The following SLC12A2 variants were observed in gnomAD, a reference collection of about 807,000 sequenced individuals.
The protein encoded by SLC12A2 is Na-K-2Cl cotransporter 1.
Under a neutral mutation model 136.3 loss-of-function variants are expected in SLC12A2, and 67 were observed. The ratio of observed to expected loss-of-function variants is 0.49; its 90% CI spans 0.40 to 0.60. The LOEUF (loss-of-function observed/expected upper bound fraction) is 0.60. Ranked by LOEUF, SLC12A2 falls within the 20% of genes least tolerant of loss-of-function variation. SLC12A2 has a pLI of 0.00. For synonymous variants in SLC12A2, 619 were observed against 562.9 expected (o/e 1.10, Z -1.41); for missense variants, 1,322 against 1,534.7 (o/e 0.86, Z 2.32).
intron 1 of SLC12A2, chr5:128,110,878 G>T (rs1292443542): frequency 1.5e-6 from 2 of 1,305,880 alleles, no homozygotes; most frequent in Non-Finnish European, 2.2e-6. Flanking sequence ...CCAGGAATAT[G>T]CCAATTTACA....
intron 26 of SLC12A2, among the ~76,000 whole-genome samples, chr5:128,185,874 C>G (rs1459341245): frequency 6.6e-6 from 1 of 151,910 alleles, no homozygotes; most frequent in African/African-American, 2.4e-5. Flanking sequence ...AGATTATAGT[C>G]TTTTATATAT....
intron 21 of SLC12A2, among the ~76,000 whole-genome samples, chr5:128,177,990 G>T (rs1356178038): frequency 1.3e-5 from 2 of 152,014 alleles, no homozygotes; most frequent in East Asian, 3.8e-4. Flanking sequence ...TTTAGAATTG[G>T]GTGCCACATA....
chr5:128,121,123 A>C (rs949469359), intron 4 of SLC12A2, among the ~76,000 whole-genome samples: 3 of 152,192 alleles, frequency 2.0e-5, no homozygotes, highest in Non-Finnish European at 4.4e-5. Context: ...AGTACATTTT[A>C]GAGATTAAAC....
intron 5 of SLC12A2, among the ~76,000 whole-genome samples, chr5:128,133,068 T>A (rs997360581): frequency 2.6e-5 from 4 of 152,016 alleles, no homozygotes; most frequent in Non-Finnish European, 5.9e-5. Context: ...CTAGTACCGT[T>A]TTTTTTCAAG....
chr5:128,132,014 A>G (rs1762041820), intron 5 of SLC12A2, among the ~76,000 whole-genome samples: 1 of 152,210 alleles, frequency 6.6e-6, no homozygotes, highest in Non-Finnish European at 1.5e-5. Context: ...TCAAAAAAGA[A>G]AAAAAGAAAA....
chr5:128,150,057 T>C lies in SLC12A2; in HGVS notation c.2066T>C (p.Ile689Thr). 3 of 1,610,548 alleles carry C rather than the reference T, an allele frequency of 1.9e-6. No individual in the cohort carries two copies. Among genetic ancestry groups the C allele is most frequent in the Non-Finnish European group, 2.5e-6 (3 of 1,178,190 alleles). ...SNFFLASYAL[I>T]NFSVFHASLA... ...TTCTTCCTTGCATCATATGCATTGATCAATTTTTCAGTATTCCATGCATCA... is the reference window on the plus strand; with the variant it reads ...TTCTTCCTTGCATCATATGCATTGACCAATTTTTCAGTATTCCATGCATCA... Residue 689 changes from isoleucine (I) to threonine (T), a missense_variant, in exon 13 of 27, where the codon ATC (isoleucine) becomes ACC (threonine). By Grantham distance (89) the Ile-to-Thr change is moderately conservative. Transcript: ENST00000262461.
rs904047962 is a variant in SLC12A2 at position 128,119,566 on chromosome 5, G to A, written c.1048+4885G>A. ...GCATTATTTCTGAGGGCTCTGTTCT[G>A]TTCCATTGATCTATATCTCTGTTTT... On this transcript the variant is annotated intron_variant, in intron 4 of 26. Coordinates refer to ENST00000262461, the MANE Select transcript of SLC12A2 (RefSeq NM_001046.3). Among the ~76,000 whole-genome samples the A allele has an allele frequency of 2.0e-5, 3 of 152,216 alleles. No individual in the cohort carries two copies. The East Asian group carries it at 5.8e-4, about 29-fold the overall frequency.
chr5:128,187,816 GTC>G lies in SLC12A2; in HGVS notation c.*1187_*1188del, dbSNP rs1483199024. On this transcript the variant is annotated 3_prime_UTR_variant, in exon 27 of 27. Coordinates refer to ENST00000262461, the MANE Select transcript of SLC12A2 (RefSeq NM_001046.3). ...AACTGCCAGTTTGTGCTTTTGAAATGTCTGTTTTGACATCATAGTCTAGTAAA... is the reference window on the plus strand; with the variant it reads ...AACTGCCAGTTTGTGCTTTTGAAATGTGTTTTGACATCATAGTCTAGTAAA... 1 of 152,552 alleles carries G rather than the reference GTC, an allele frequency of 6.6e-6. No individual in the cohort carries two copies. The highest frequency in any genetic ancestry group is 1.5e-5 in the Non-Finnish European group (1 of 68,006). The allele number at this position is 152,552 out of a possible 1,614,324, so 9.4% of individuals were successfully genotyped here. A position where few individuals can be genotyped will look rare whatever the true frequency, so the allele number is the denominator to read the frequency against.
chr5:128,111,242 G>A (rs561478892), intron 1 of SLC12A2, among the ~76,000 whole-genome samples: 2 of 151,918 alleles, frequency 1.3e-5, no homozygotes, highest in Admixed American at 1.3e-4. Context: ...TACTTCTATT[G>A]CTTCAAAAAT....
At chr5:128,175,374 T>C (rs1182253528) in intron 20 of SLC12A2, among the ~76,000 whole-genome samples, 1 of 152,060 alleles carries the variant, frequency 6.6e-6, no homozygotes, top group East Asian at 1.9e-4. Flanking sequence ...TTCACACCCA[T>C]TTTCCTTTTC....
rs1297350834 is a variant in SLC12A2 at position 128,174,581 on chromosome 5, G to A, written c.2844G>A (p.Lys948=). The change falls in exon 20 of 27, where the codon AAG becomes AAA. Residue 948 remains lysine, a synonymous_variant. Transcript: ENST00000262461. ...CACAAGAGAAATCTCCTGGCACCAA[G>A]GATGTGGTAGTAAGTGTGGAATATA... ...LSSQEKSPGT[K]DVVVSVEYSK... is the part of the protein sequence containing the mutation. 5.6e-6 allele frequency: 9 copies of A among 1,608,996 alleles called. No individual in the cohort carries two copies. The East Asian group carries it at 1.3e-4, about 24-fold the overall frequency.
At chr5:128,173,135 A>G (rs920884172) in intron 19 of SLC12A2, among the ~76,000 whole-genome samples, 1 of 152,218 alleles carries the variant, frequency 6.6e-6, no homozygotes, top group African/African-American at 2.4e-5. Context: ...CGTAAGAGGT[A>G]TCTGCTTCTG....
chr5:128,163,166 G>A (rs1763097883), intron 17 of SLC12A2, among the ~76,000 whole-genome samples: 1 of 152,122 alleles, frequency 6.6e-6, no homozygotes, highest in South Asian at 2.1e-4. Flanking sequence ...AATTTGGTTT[G>A]AATATTCTAG....
intron 4 of SLC12A2, among the ~76,000 whole-genome samples, chr5:128,122,633 A>G (rs969170173): frequency 3.3e-5 from 5 of 152,186 alleles, no homozygotes; most frequent in South Asian, 2.1e-4. Context: ...TTTCTCTGAA[A>G]TAATTGAGTA....
chr5:128,093,816 T>C lies in SLC12A2; in HGVS notation c.756+9106T>C, dbSNP rs186655534. ...AGCCTTGTAACTGGGCTTCTCATAT[T>C]CACTGTGCTTTCCCATCACTATTGT... On this transcript the variant is annotated intron_variant, in intron 1 of 26. Transcript: ENST00000262461. Among the ~76,000 whole-genome samples the C allele has an allele frequency of 2.0e-3, 300 of 152,278 alleles. 1 individual carries two copies. Among genetic ancestry groups the C allele is most frequent in the Non-Finnish European group, 3.6e-3 (242 of 67,994 alleles).
At chr5:128,185,553 TGATAATC>T (rs1763841206) in intron 26 of SLC12A2, among the ~76,000 whole-genome samples, 1 of 80,686 alleles carries the variant, frequency 1.2e-5, no homozygotes, top group African/African-American at 6.7e-5. Flanking sequence ...GTTTTGCTGA[TGATAATC>T]AAATACCTGT....
At chr5:128,158,204 A>C (rs756396038) in intron 16 of SLC12A2, 40 bp downstream of exon 16, 3 of 1,437,490 alleles carry the variant, frequency 2.1e-6, no homozygotes, top group East Asian at 4.6e-5. Flanking sequence ...GTTTTTTTTT[A>C]AAGTTTTATT....
rs560689091 is a variant in SLC12A2, at chr5:128,174,547, T to A, written c.2810T>A (p.Leu937Ter). The change falls in exon 20 of 27, where the codon TTA (leucine) becomes TAA (stop). Residue 937 changes from leucine to a stop codon, truncating the protein, a stop_gained. Coordinates refer to ENST00000262461, the MANE Select transcript of SLC12A2 (RefSeq NM_001046.3). LOFTEE classifies it high-confidence loss of function. ...DISHLQGQEE[L>*]LSSQEKSPGT... ...AATAATTTTCTGTCTACAGAAGAAT[T>A]ATTGTCATCACAAGAGAAATCTCCT... The A allele has an allele frequency of 1.2e-6, 2 of 1,603,114 alleles. No homozygotes were observed. The highest frequency in any genetic ancestry group is 2.2e-5 in the South Asian group (2 of 88,928).
At chr5:128,090,018 A>C (rs539481643) in intron 1 of SLC12A2, among the ~76,000 whole-genome samples, 2 of 152,316 alleles carry the variant, frequency 1.3e-5, no homozygotes, top group African/African-American at 4.8e-5. Context: ...GCAAAGTCAA[A>C]TTTGGCTGAT....
Sources: allele counts gnomAD v4.1 joint callset (sites outside exome capture counted in the v4.1 genomes callset), GRCh38; gene constraint gnomAD v4.1.1; transcripts MANE v1.5; gene names NCBI Gene and HGNC (gene_info 2026-07-23, HGNC 2026-07-21).